Variants in CDH22 observed in about 807,000 individuals in gnomAD.
CDH22 encodes the protein cadherin-22.
CDH22 carries 30 observed loss-of-function variants against 58.4 expected under a neutral mutation model. That is an observed-to-expected ratio of 0.51 (90% CI 0.38 to 0.70). CDH22 has a LOEUF of 0.70. Among genes scored for constraint, CDH22 ranks in the 30% least tolerant of loss-of-function variants. The pLI is 0.00. For synonymous variants in CDH22, 513 were observed against 558.2 expected, an observed-to-expected ratio of 0.92 and a Z score of 1.14; for missense variants, 1,014 against 1,233.9, an observed-to-expected ratio of 0.82 and a Z score of 2.67.
intron 1 of CDH22, among the ~76,000 whole-genome samples, chr20:46,276,464 A>T (rs1039918204): frequency 1.3e-5 from 2 of 152,228 alleles, no homozygotes; most frequent in East Asian, 3.8e-4. Context: ...GTAGGTGGTC[A>T]GCAAAGAGAG....
At chr20:46,262,393 G>T (rs1297279659) in intron 1 of CDH22, among the ~76,000 whole-genome samples, 1 of 152,040 alleles carries the variant, frequency 6.6e-6, no homozygotes, top group African/African-American at 2.4e-5. Context: ...CTGACCTGGG[G>T]CCCCCAGTCT....
chr20:46,181,589 C>CCCTT, intron 10 of CDH22, among the ~76,000 whole-genome samples: 1 of 148,944 alleles, frequency 6.7e-6, no homozygotes, highest in Non-Finnish European at 1.5e-5. Context: ...TCCCTTCCTT[C>CCCTT]CCTTCCTTCC....
chr20:46,195,133 G>A (rs1308281659), intron 8 of CDH22, among the ~76,000 whole-genome samples: 1 of 152,216 alleles, frequency 6.6e-6, no homozygotes, highest in East Asian at 1.9e-4. Context: ...CAAGATGGGA[G>A]TGACCTGTCC....
intron 1 of CDH22, among the ~76,000 whole-genome samples, chr20:46,296,115 C>T (rs1334882995): frequency 6.6e-6 from 1 of 152,142 alleles, no homozygotes; most frequent in Non-Finnish European, 1.5e-5. Context: ...TCCTGAAACT[C>T]CTGGGCCCTC....
At chr20:46,204,942 C>T (rs1459631895) in intron 7 of CDH22, among the ~76,000 whole-genome samples, 3 of 152,084 alleles carry the variant, frequency 2.0e-5, no homozygotes, top group Non-Finnish European at 4.4e-5. Flanking sequence ...TTCTGGTGTG[C>T]CTGTGTGTGA....
intron 1 of CDH22, among the ~76,000 whole-genome samples, chr20:46,285,653 G>A (rs1286765631): frequency 6.6e-6 from 1 of 152,190 alleles, no homozygotes; most frequent in African/African-American, 2.4e-5. Context: ...CCTCAGAGTT[G>A]GGGATAGAAT....
rs1360217805 is a variant in CDH22, at chr20:46,174,412, C to G, written c.*94G>C. The G allele has an allele frequency of 3.4e-6, 3 of 871,320 alleles. No individual in the cohort carries two copies. The highest frequency in any genetic ancestry group is 4.9e-6 in the Non-Finnish European group (3 of 609,770). 54.0% of individuals were successfully genotyped at this position (871,320 alleles called of 1,614,324 possible). ...CCGCCAAGGGAGGGTTGGGGGAGGG[C>G]AGGAAAGGGGGTCCGCGGGGGAAAC... On this transcript the variant is annotated 3_prime_UTR_variant, in exon 12 of 12. Coordinates refer to ENST00000537909, the MANE Select transcript of CDH22 (RefSeq NM_021248.3). The surrounding 1 kb of genome is among the most constrained non-coding windows in gnomAD (Gnocchi z 4.4).
intron 8 of CDH22, among the ~76,000 whole-genome samples, chr20:46,193,030 C>T (rs1024253245): frequency 4.0e-5 from 6 of 151,694 alleles, no homozygotes; most frequent in Admixed American, 2.0e-4. Flanking sequence ...ATTGGGGGGA[C>T]GTTTATTCCT....
intron 1 of CDH22, among the ~76,000 whole-genome samples, chr20:46,298,244 C>G (rs1257714237): frequency 6.6e-6 from 1 of 152,208 alleles, no homozygotes; most frequent in African/African-American, 2.4e-5. Flanking sequence ...TTCCATTCTT[C>G]TTCACTTTGG....
chr20:46,175,059 A>C lies in CDH22; in HGVS notation c.1934T>G (p.Leu645Arg). 2 of 1,604,688 alleles carry C rather than the reference A, an allele frequency of 1.2e-6. No individual in the cohort carries two copies. Among genetic ancestry groups the C allele is most frequent in the Non-Finnish European group, 1.7e-6 (2 of 1,177,222 alleles). The part of the protein sequence containing the change: ...LILVVLVLLI[L>R]TLRRHHKSHL... ...GCTCTTGTGGTGGCGCCTGAGGGTG[A>C]GGATCAGCAGCACCAGCACTGCGAG... The change falls in exon 12 of 12, where the codon CTC (leucine) becomes CGC (arginine). Residue 645 changes from leucine to arginine, a missense_variant. Leu to Arg is a moderately radical substitution (Grantham distance 102, BLOSUM62 -2). This residue lies in a region of CDH22 where 806 missense variants were observed against 1,038.7 expected (regional missense o/e 0.78). Transcript: ENST00000537909.
Position 46,251,515 on chromosome 20 carries a change from G to A in CDH22, c.-221C>T, listed in dbSNP as rs565075001. 189 of 386,820 alleles carry A rather than the reference G, an allele frequency of 4.9e-4. 1 individual carries two copies. The Middle Eastern group carries it at 1.0e-2, about 20-fold the overall frequency. 24.0% of individuals were successfully genotyped at this position (386,820 alleles called of 1,614,324 possible). ...GGGAGGGGGCGCGGCCGCATCCGGG[G>A]CATGGACAGCCCCCGGGGTGCCCGC... On this transcript the variant is annotated 5_prime_UTR_variant, in exon 2 of 12. Transcript: ENST00000537909. This position sits in a 1 kb window ranked among gnomAD's most constrained non-coding sequence, Gnocchi z 6.7.
intron 5 of CDH22, among the ~76,000 whole-genome samples, chr20:46,215,232 T>G (rs1018308326): frequency 6.6e-6 from 1 of 152,168 alleles, no homozygotes; most frequent in African/African-American, 2.4e-5. Context: ...AGCAGTCTCC[T>G]TCCCAATGGC....
intron 1 of CDH22, among the ~76,000 whole-genome samples, chr20:46,289,539 G>A (rs1477599554): frequency 3.3e-5 from 5 of 152,184 alleles, no homozygotes; most frequent in African/African-American, 1.2e-4. Context: ...TTGTCTGCTT[G>A]TCTGTCTCCC....
At chr20:46,260,398 CT>C (rs1568676813) in intron 1 of CDH22, among the ~76,000 whole-genome samples, 1 of 152,202 alleles carries the variant, frequency 6.6e-6, no homozygotes. Context: ...CTCTCTTTCT[CT>C]TTTCTCTGAA....
chr20:46,253,663 G>A (rs559016199), intron 1 of CDH22, among the ~76,000 whole-genome samples: 2 of 152,158 alleles, frequency 1.3e-5, no homozygotes, highest in South Asian at 4.1e-4. Context: ...AATGAGACTG[G>A]AGTTATGGGT....
chr20:46,214,930 G>A (rs536895063), intron 5 of CDH22, among the ~76,000 whole-genome samples: 12 of 152,366 alleles, frequency 7.9e-5, no homozygotes, highest in African/African-American at 2.9e-4. Flanking sequence ...AGAATGCCAG[G>A]CTGTCGCATA....
chr20:46,189,045 G>A (rs1473624807), intron 8 of CDH22, among the ~76,000 whole-genome samples: 1 of 152,118 alleles, frequency 6.6e-6, no homozygotes, highest in African/African-American at 2.4e-5. Flanking sequence ...TGTGCTGACG[G>A]CAGCTGCTCA....
intron 2 of CDH22, among the ~76,000 whole-genome samples, chr20:46,243,178 G>T (rs1166361524): frequency 6.6e-6 from 1 of 152,240 alleles, no homozygotes; most frequent in Non-Finnish European, 1.5e-5. Context: ...TGCCCATGAA[G>T]TCATCACGAA....
intron 10 of CDH22, among the ~76,000 whole-genome samples, chr20:46,179,290 TC>T (rs2085767513): frequency 6.6e-6 from 1 of 152,124 alleles, no homozygotes; most frequent in African/African-American, 2.4e-5. Context: ...CTCCCCGCGG[TC>T]TTCAGTCTGC....
Sources: allele counts gnomAD v4.1 joint callset (sites outside exome capture counted in the v4.1 genomes callset), GRCh38; gene constraint gnomAD v4.1.1; regional missense constraint gnomAD v4.1.1; non-coding constraint Gnocchi (gnomAD v3.1); transcripts MANE v1.5; gene names NCBI Gene and HGNC (gene_info 2026-07-23, HGNC 2026-07-21).